The following WWOX variants were observed in gnomAD, a reference collection of about 807,000 sequenced individuals.
WWOX encodes the protein WW domain containing oxidoreductase.
A neutral mutation model predicts 46.2 loss-of-function variants in WWOX; 69 were observed. That is an observed-to-expected ratio of 1.49 (90% CI 1.23 to 1.82). WWOX has a LOEUF of 1.82. Among genes scored for constraint, WWOX ranks in the 40% most tolerant of loss-of-function variants. The pLI is 0.00. For synonymous variants in WWOX, 359 were observed against 202.6 expected, an observed-to-expected ratio of 1.77 and a Z score of -6.56; for missense variants, 919 against 542.6, an observed-to-expected ratio of 1.69 and a Z score of -6.89.
rs2043621253 is a variant in WWOX, at chr16:78,531,538, T to G, written c.1056+98786T>G. ...CTCTTACATGTATGAAGTTGGATAG[T>G]TAGAATGAGATGAAAATAAATGGGC... On this transcript the variant is annotated intron_variant, in intron 8 of 8. Transcript: ENST00000566780. Among the ~76,000 whole-genome samples the G allele has an allele frequency of 3.3e-5, 5 of 152,232 alleles. No homozygotes were observed. The South Asian group carries it at 1.0e-3, about 32-fold the overall frequency.
intron 8 of WWOX, among the ~76,000 whole-genome samples, chr16:78,677,166 C>G (rs1429595619): frequency 1.3e-5 from 2 of 151,926 alleles, no homozygotes; most frequent in Non-Finnish European, 2.9e-5. Context: ...GCTTGCTGTC[C>G]CCTGGGCAGG....
intron 8 of WWOX, among the ~76,000 whole-genome samples, chr16:78,788,448 A>T (rs1169011237): frequency 6.6e-6 from 1 of 152,212 alleles, no homozygotes; most frequent in Non-Finnish European, 1.5e-5. Context: ...CCAGAGAGTC[A>T]GTCCTGCCTT....
intron 8 of WWOX, among the ~76,000 whole-genome samples, chr16:78,647,429 T>TGGG: frequency 6.6e-6 from 1 of 152,054 alleles, no homozygotes; most frequent in African/African-American, 2.4e-5. Context: ...TTACACAGAT[T>TGGG]AGCACACGGT....
intron 8 of WWOX, among the ~76,000 whole-genome samples, chr16:79,087,676 A>G (rs1382808428): frequency 6.6e-6 from 1 of 152,206 alleles, no homozygotes; most frequent in African/African-American, 2.4e-5. Context: ...AGATCGTTGC[A>G]TTTGTGGTCC....
chr16:78,236,861 G>C (rs1270853983), intron 5 of WWOX, among the ~76,000 whole-genome samples: 3 of 152,042 alleles, frequency 2.0e-5, no homozygotes, highest in Non-Finnish European at 4.4e-5. Context: ...AGGATCACGA[G>C]GTCAGGAGTT....
intron 8 of WWOX, among the ~76,000 whole-genome samples, chr16:78,471,985 A>T (rs1331488193): frequency 6.6e-6 from 1 of 152,150 alleles, no homozygotes; most frequent in African/African-American, 2.4e-5. Flanking sequence ...ATGTTACCTA[A>T]TTCCAATGTT....
chr16:78,597,482 C>T (rs571198394), intron 8 of WWOX, among the ~76,000 whole-genome samples: 1 of 152,294 alleles, frequency 6.6e-6, no homozygotes, highest in African/African-American at 2.4e-5. Context: ...CACCATTAAG[C>T]ATTTGTGGCC....
At chr16:78,883,548 A>G (rs1209625730) in intron 8 of WWOX, among the ~76,000 whole-genome samples, 1 of 151,978 alleles carries the variant, frequency 6.6e-6, no homozygotes, top group Non-Finnish European at 1.5e-5. Flanking sequence ...ACATGGCAAA[A>G]CCCCATCTCT....
In WWOX at chr16:79,134,171, T is replaced by C. The variant is rs991985061; in HGVS notation, c.1057-77437T>C. On this transcript the variant is annotated intron_variant, in intron 8 of 8. Transcript: ENST00000566780. ...GGAGGGAATAATTGGGATTATCTTA[T>C]GATTTTTTTTTCTCTTTAATTTTCT... 2.2e-5 allele frequency among the ~76,000 whole-genome samples: 3 copies of C among 136,076 alleles called. No homozygotes were observed. In the East Asian group the frequency reaches 6.9e-4, roughly 31 times the overall value. The allele number at this position is 136,076 out of a possible 152,430, so 89.3% of individuals were successfully genotyped here. A position where few individuals can be genotyped will look rare whatever the true frequency, so the allele number is the denominator to read the frequency against.
At chr16:78,426,426 T>C (rs1597218364) in intron 7 of WWOX, among the ~76,000 whole-genome samples, 1 of 152,340 alleles carries the variant, frequency 6.6e-6, no homozygotes, top group Admixed American at 6.5e-5. Context: ...TCAAATGGTA[T>C]TTCGTGTGAC....
intron 8 of WWOX, among the ~76,000 whole-genome samples, chr16:78,953,026 A>ATTT (rs34067772): frequency 1.4e-5 from 2 of 147,676 alleles, no homozygotes; most frequent in Non-Finnish European, 3.0e-5. Flanking sequence ...GCTTCCCTGG[A>ATTT]TTTTTTTTTT....
chr16:78,917,717 G>A (rs920029507), intron 8 of WWOX, among the ~76,000 whole-genome samples: 2 of 151,880 alleles, frequency 1.3e-5, no homozygotes, highest in African/African-American at 4.8e-5. Context: ...TGTATCTCCT[G>A]TTTTTGGTAG....
At chr16:78,879,988 G>A (rs576795184) in intron 8 of WWOX, among the ~76,000 whole-genome samples, 1 of 152,220 alleles carries the variant, frequency 6.6e-6, no homozygotes, top group East Asian at 1.9e-4. Context: ...TTTGAAATCT[G>A]GTGTAATGGC....
chr16:78,142,603 T>G (rs1216200728), intron 4 of WWOX, among the ~76,000 whole-genome samples: 1 of 152,212 alleles, frequency 6.6e-6, no homozygotes, highest in African/African-American at 2.4e-5. Context: ...GAACTTTGTG[T>G]GAAATCATGA....
intron 5 of WWOX, among the ~76,000 whole-genome samples, chr16:78,271,758 G>A (rs2079481285): frequency 6.6e-6 from 1 of 152,220 alleles, no homozygotes; most frequent in Admixed American, 6.5e-5. Flanking sequence ...GCGTTGGGAG[G>A]CCTGGCGGAG....
chr16:78,926,808 G>A (rs1020872976), intron 8 of WWOX, among the ~76,000 whole-genome samples: 10 of 151,886 alleles, frequency 6.6e-5, no homozygotes, highest in African/African-American at 1.7e-4. Flanking sequence ...TTTTGTTTTC[G>A]TTTTTTGAGA....
intron 4 of WWOX, among the ~76,000 whole-genome samples, chr16:78,130,529 C>T (rs546016408): frequency 1.2e-3 from 180 of 152,314 alleles, no homozygotes; most frequent in African/African-American, 4.2e-3. Flanking sequence ...TTATGTCTAT[C>T]AAGGAACATA....
chr16:78,469,314 C>T (rs572527519), intron 8 of WWOX, among the ~76,000 whole-genome samples: 10 of 152,112 alleles, frequency 6.6e-5, no homozygotes, highest in African/African-American at 9.7e-5. Context: ...TGTTTTCCAT[C>T]TAAGAGCAGA....
chr16:78,959,505 A>G (rs139673656), intron 8 of WWOX, among the ~76,000 whole-genome samples: 18 of 152,268 alleles, frequency 1.2e-4, no homozygotes, highest in South Asian at 4.1e-4. Flanking sequence ...CCATCCATCT[A>G]TTCACTCATG....
Sources: gnomAD v4.1 joint callset for allele counts (sites outside exome capture counted in the v4.1 genomes callset) on GRCh38, gnomAD v4.1.1 for gene constraint, MANE v1.5 for transcripts, NCBI Gene and HGNC (gene_info 2026-07-23, HGNC 2026-07-21) for gene names.